Variants in TSPAN15 observed in about 807,000 individuals in gnomAD.
TSPAN15 encodes tetraspanin-15.
In TSPAN15, 20 loss-of-function variants were observed where a neutral mutation model predicts 34.5. The ratio of observed to expected loss-of-function variants is 0.58; its 90% CI spans 0.41 to 0.84. The LOEUF (loss-of-function observed/expected upper bound fraction) is 0.84. Among genes scored for constraint, TSPAN15 ranks in the 40% least tolerant of loss-of-function variants. TSPAN15 has a pLI of 0.00. For synonymous variants in TSPAN15, 155 were observed against 153.9 expected (o/e 1.01, Z -0.05); for missense variants, 313 against 386.1 (o/e 0.81, Z 1.59).
intron 3 of TSPAN15, among the ~76,000 whole-genome samples, chr10:69,494,098 G>C (rs535919046): frequency 6.6e-6 from 1 of 152,174 alleles, no homozygotes; most frequent in East Asian, 1.9e-4. Flanking sequence ...TGGTCCCAGC[G>C]TCTCTCTGCC....
intron 2 of TSPAN15, 142 bp downstream of exon 2, chr10:69,484,018 C>T (rs1841795697): frequency 1.3e-6 from 1 of 794,618 alleles, no homozygotes; most frequent in Non-Finnish European, 1.9e-6. Context: ...GCCCATCTGA[C>T]CACACTGGCC....
At chr10:69,487,520 T>C (rs1841879472) in intron 3 of TSPAN15, among the ~76,000 whole-genome samples, 1 of 151,788 alleles carries the variant, frequency 6.6e-6, no homozygotes. Flanking sequence ...CCAGCAGAGC[T>C]CCCGGCCGCC....
intron 1 of TSPAN15, among the ~76,000 whole-genome samples, chr10:69,467,946 T>C (rs1007367817): frequency 6.6e-6 from 1 of 152,156 alleles, no homozygotes; most frequent in Non-Finnish European, 1.5e-5. Context: ...CTGAATGTTA[T>C]AGCATCTGGG....
rs571001013 is a variant in TSPAN15, at chr10:69,493,906, C to T, written c.358-1688C>T. Among the ~76,000 whole-genome samples the T allele has an allele frequency of 5.7e-4, 87 of 152,346 alleles. No homozygotes were observed. In the East Asian group the frequency reaches 7.3e-3, roughly 13 times the overall value. On this transcript the variant is annotated intron_variant, in intron 3 of 7. Transcript: ENST00000373290. Reference sequence around the variant, plus strand: ...CTGGGATTACAGGCATGAGCCACCGCGCCAGGCCTCCATCTCCTTCTTTAC... The same window carrying T: ...CTGGGATTACAGGCATGAGCCACCGTGCCAGGCCTCCATCTCCTTCTTTAC...
chr10:69,517,190 C>T, the TSPAN15 span, among the ~76,000 whole-genome samples: 2 of 152,320 alleles, frequency 1.3e-5, no homozygotes, highest in South Asian at 2.1e-4. Flanking sequence ...CCCTTCCTCT[C>T]GCTGCTCCTG....
intron 1 of TSPAN15, among the ~76,000 whole-genome samples, chr10:69,455,573 CTTTT>C (rs1841075122): frequency 1.6e-5 from 2 of 124,322 alleles, no homozygotes; most frequent in African/African-American, 7.2e-5. Context: ...CTTTCTTTCT[CTTTT>C]CTTTCTTTCT....
At chr10:69,477,122 G>A (rs900775247) in intron 1 of TSPAN15, among the ~76,000 whole-genome samples, 15 of 152,088 alleles carry the variant, frequency 9.9e-5, no homozygotes, top group Non-Finnish European at 1.5e-4. Flanking sequence ...TGTGGCAGGA[G>A]GGTTGAAGCA....
chr10:69,496,587 G>A (rs1369165551), intron 4 of TSPAN15, among the ~76,000 whole-genome samples: 1 of 152,164 alleles, frequency 6.6e-6, no homozygotes, highest in Non-Finnish European at 1.5e-5. Context: ...TCATTGGTAT[G>A]TTCTCCTGGG....
chr10:69,545,674 A>G, the TSPAN15 span, among the ~76,000 whole-genome samples: 9 of 152,332 alleles, frequency 5.9e-5, no homozygotes, highest in South Asian at 4.1e-4. Context: ...AATCCCAGCT[A>G]GGCTGGGTGC....
the TSPAN15 span, among the ~76,000 whole-genome samples, chr10:69,536,601 G>A: frequency 6.6e-6 from 1 of 152,116 alleles, no homozygotes; most frequent in South Asian, 2.1e-4. Context: ...TTCTCCTGAG[G>A]TCTCTCTCCT....
exon 8 of TSPAN15, chr10:69,507,651 GT>G (rs398014021): frequency 0.15 from 145,450 of 938,440 alleles, 564 homozygotes; most frequent in East Asian, 0.23. Context: ...ATAAAAACAT[GT>G]TTTTTTTTTT....
chr10:69,491,024 G>A (rs1841957606), intron 3 of TSPAN15, among the ~76,000 whole-genome samples: 1 of 152,206 alleles, frequency 6.6e-6, no homozygotes, highest in African/African-American at 2.4e-5. Context: ...GTGCCCCACT[G>A]TGGAAAGCTG....
At chr10:69,492,801 C>G (rs1841995830) in intron 3 of TSPAN15, among the ~76,000 whole-genome samples, 1 of 152,176 alleles carries the variant, frequency 6.6e-6, no homozygotes, top group African/African-American at 2.4e-5. Flanking sequence ...CTGTTGGCAG[C>G]CCTGGGAGAG....
intron 3 of TSPAN15, among the ~76,000 whole-genome samples, chr10:69,487,533 G>C (rs1224927805): frequency 6.6e-6 from 1 of 151,696 alleles, no homozygotes; most frequent in Non-Finnish European, 1.5e-5. Flanking sequence ...CGGCCGCCCT[G>C]AGGCTTTCCA....
Position 69,503,654 on chromosome 10 carries a change from G to A in TSPAN15, c.571-784G>A, listed in dbSNP as rs7902751. ...TCCTGAGTCATCACTGGCGCCTGCA[G>A]CACTCACGGCAGCGTTCACTTACAT... On this transcript the variant is annotated intron_variant, in intron 5 of 7. Coordinates refer to ENST00000373290, the MANE Select transcript of TSPAN15 (RefSeq NM_012339.5). Among the ~76,000 whole-genome samples the A allele has an allele frequency of 6.0e-3, 908 of 152,258 alleles. 12 individuals carry two copies. The highest frequency in any genetic ancestry group is 0.021 in the African/African-American group (869 of 41,542).
the TSPAN15 span, among the ~76,000 whole-genome samples, chr10:69,525,483 TAAAAA>T: frequency 8.5e-6 from 1 of 118,126 alleles, no homozygotes; most frequent in Non-Finnish European, 1.8e-5. Context: ...CCTCATCTCT[TAAAAA>T]AAAAAAAAAA....
intron 1 of TSPAN15, among the ~76,000 whole-genome samples, chr10:69,480,546 C>G (rs1378375501): frequency 6.6e-6 from 1 of 152,168 alleles, no homozygotes; most frequent in Non-Finnish European, 1.5e-5. Context: ...CTGAAAACTT[C>G]CATGCTCTAT....
At chr10:69,520,616 A>G in the TSPAN15 span, among the ~76,000 whole-genome samples, 4 of 152,358 alleles carry the variant, frequency 2.6e-5, no homozygotes, top group South Asian at 2.1e-4. Flanking sequence ...AGATTGCATC[A>G]TTGCATTCCT....
chr10:69,462,155 GTTTTTTT>G (rs755068937), intron 1 of TSPAN15, among the ~76,000 whole-genome samples: 1,479 of 82,642 alleles, frequency 0.018, 30 homozygotes, highest in African/African-American at 0.064. Context: ...TAATTTTAAA[GTTTTTTT>G]TTTTTTTTTT....
Sources: allele counts gnomAD v4.1 joint callset (sites outside exome capture counted in the v4.1 genomes callset), GRCh38; gene constraint gnomAD v4.1.1; transcripts MANE v1.5; gene names NCBI Gene and HGNC (gene_info 2026-07-23, HGNC 2026-07-21).